Variants in KDM5C observed in about 807,000 individuals in gnomAD.
The protein encoded by KDM5C is lysine-specific demethylase 5C.
Under a neutral mutation model 110.6 loss-of-function variants are expected in KDM5C, and 16 were observed. The ratio of observed to expected loss-of-function variants is 0.14; its 90% CI spans 0.10 to 0.22. The LOEUF is 0.22. KDM5C is among the 10% of genes least tolerant of loss of function. KDM5C has a pLI of 1.00. For missense variants in KDM5C, 681 were observed against 1,300.9 expected (o/e 0.52, Z 7.33); for synonymous variants, 511 against 520.4 (o/e 0.98, Z 0.24).
downstream of KDM5C, among the ~76,000 whole-genome samples, chrX:53,188,658 A>T (rs1934306272): frequency 9.0e-6 from 1 of 111,616 alleles, no homozygotes; most frequent in African/African-American, 3.3e-5. Flanking sequence ...TACAGGTGTG[A>T]GCCACTGTGC....
intron 25 of KDM5C, among the ~76,000 whole-genome samples, chrX:53,183,836 G>C (rs913855672): frequency 2.7e-5 from 3 of 111,567 alleles, no homozygotes; most frequent in Non-Finnish European, 5.7e-5. Context: ...GCCTCCCAAA[G>C]TGCTGGGATT....
intron 1 of KDM5C, among the ~76,000 whole-genome samples, chrX:53,221,976 G>A (rs1569283156): frequency 9.0e-6 from 1 of 111,686 alleles, no homozygotes; most frequent in Admixed American, 9.5e-5. Flanking sequence ...CCAGAGCCCT[G>A]GCTCCTGCTG....
chrX:53,225,128 C>T lies in KDM5C; in HGVS notation c.-239G>A, dbSNP rs971896841. The T allele has an allele frequency of 9.1e-4, 334 of 366,938 alleles. No homozygotes were observed. Among genetic ancestry groups the T allele is most frequent in the Non-Finnish European group, 1.4e-3 (313 of 216,714 alleles). 30.2% of individuals were successfully genotyped at this position (366,938 alleles called of 1,213,427 possible). A position where few individuals can be genotyped will look rare whatever the true frequency, so the allele number is the denominator to read the frequency against. On this transcript the variant is annotated 5_prime_UTR_variant, in exon 1 of 26. Coordinates refer to ENST00000375401, the MANE Select transcript of KDM5C (RefSeq NM_004187.5). ...TCTTCCAAACTGTGTGGTTGCCTCC[C>T]CACTACCGCAGCCTTCGCCACCACA...
chrX:53,223,281 C>G lies in KDM5C; in HGVS notation c.150+1459G>C, dbSNP rs1323843549. Among the ~76,000 whole-genome samples, 4 of 111,663 alleles carry G rather than the reference C, an allele frequency of 3.6e-5. No homozygotes were observed. In the Admixed American group the frequency reaches 3.8e-4, roughly 11 times the overall value. On this transcript the variant is annotated intron_variant, in intron 1 of 25. Transcript: ENST00000375401. ...CAGGGAGTGCCTCCTTGAGGCTGCC[C>G]AGGACTCCTGCCTCTCCCTTCCACT...
rs1569271326 is a variant in KDM5C, at chrX:53,207,986, A to AAAAAG, written c.1746+2423_1746+2427dup. ...TCTGTCTCAAAAAAAAAAAAAAAAA[A>AAAAAG]AAAAGAAAAGAAAATAATACTTACA... On this transcript the variant is annotated intron_variant, in intron 12 of 25. Transcript: ENST00000375401. Among the ~76,000 whole-genome samples the AAAAAG allele has an allele frequency of 2.9e-4, 31 of 108,088 alleles. 1 individual carries two copies. The highest frequency in any genetic ancestry group is 4.6e-4 in the Non-Finnish European group (24 of 52,023). 93.9% of individuals were successfully genotyped at this position (108,088 alleles called of 115,157 possible). A position where few individuals can be genotyped will look rare whatever the true frequency, so the allele number is the denominator to read the frequency against.
intron 12 of KDM5C, among the ~76,000 whole-genome samples, chrX:53,203,290 T>C (rs1469100375): frequency 9.0e-6 from 1 of 111,642 alleles, no homozygotes; most frequent in African/African-American, 3.3e-5. Context: ...GTCTCAGTGT[T>C]TGACATGGAA....
chrX:53,216,221 T>C (rs1182997150), intron 5 of KDM5C, 24 bp from the exon 6 acceptor site: 1 of 1,209,394 alleles, frequency 8.3e-7, no homozygotes, highest in Non-Finnish European at 1.1e-6. Context: ...AGGAAATGAA[T>C]CAAGACTGCT....
At chrX:53,211,706 A>T (rs1556848967) in intron 9 of KDM5C, 51 bp from the exon 10 acceptor site, 1 of 1,205,769 alleles carries the variant, frequency 8.3e-7, no homozygotes, top group African/African-American at 1.7e-5. Context: ...CCCTGGACCC[A>T]CTGATCCAGG....
chrX:53,210,870 G>A lies in KDM5C; in HGVS notation c.1402-13C>T. The A allele has an allele frequency of 8.3e-7, 1 of 1,202,127 alleles. No individual in the cohort carries two copies. Among genetic ancestry groups the A allele is most frequent in the South Asian group, 1.8e-5 (1 of 56,738 alleles). On this transcript the variant is annotated splice_polypyrimidine_tract_variant and intron_variant, in intron 10 of 25. Coordinates refer to ENST00000375401, the MANE Select transcript of KDM5C (RefSeq NM_004187.5). ...TGGTAGCATACTCCTGCCAGGTCAG[G>A]TATTTGTAAAAAGGGCATGAGGGTT...
intron 12 of KDM5C, among the ~76,000 whole-genome samples, chrX:53,203,071 G>C (rs1195645567): frequency 9.0e-6 from 1 of 111,368 alleles, no homozygotes; most frequent in Non-Finnish European, 1.9e-5. Flanking sequence ...CTCCCAAAGT[G>C]CTGGGATTAC....
chrX:53,215,527 G>A (rs1226647285), intron 7 of KDM5C, among the ~76,000 whole-genome samples: 2 of 111,850 alleles, frequency 1.8e-5, no homozygotes, highest in African/African-American at 6.5e-5. Context: ...TGGTAATGAG[G>A]AGCTTAGCCT....
chrX:53,195,898 G>A lies in KDM5C; in HGVS notation c.3120+18C>T, dbSNP rs2146831792. 8.3e-7 allele frequency: 1 copy of A among 1,202,371 alleles called. No individual in the cohort carries two copies. Among genetic ancestry groups the A allele is most frequent in the South Asian group, 1.8e-5 (1 of 55,593 alleles). Reference sequence around the variant, plus strand: ...CAGCTGGACTGAAGGCCTGGGGTGGGAGTGGCAGGGTCCTCACTTGGATCT... The same window carrying A: ...CAGCTGGACTGAAGGCCTGGGGTGGAAGTGGCAGGGTCCTCACTTGGATCT... On this transcript the variant is annotated intron_variant, in intron 20 of 25. Coordinates refer to ENST00000375401, the MANE Select transcript of KDM5C (RefSeq NM_004187.5).
chrX:53,195,854 T>C lies in KDM5C; in HGVS notation c.3120+62A>G, dbSNP rs1484979316. 4.4e-6 allele frequency: 5 copies of C among 1,131,431 alleles called. No individual in the cohort carries two copies. The East Asian group carries it at 1.6e-4, about 35-fold the overall frequency. The allele number at this position is 1,131,431 out of a possible 1,213,427, so 93.2% of individuals were successfully genotyped here. A position where few individuals can be genotyped will look rare whatever the true frequency, so the allele number is the denominator to read the frequency against. On this transcript the variant is annotated intron_variant, in intron 20 of 25. Coordinates refer to ENST00000375401, the MANE Select transcript of KDM5C (RefSeq NM_004187.5). ...ATCCCAGCAACCCAGCACATCCCAGTGTATATGCCATCTCTTCCCAGCTGG... is the reference window on the plus strand; with the variant it reads ...ATCCCAGCAACCCAGCACATCCCAGCGTATATGCCATCTCTTCCCAGCTGG...
intron 14 of KDM5C, 112 bp downstream of exon 14, chrX:53,201,438 T>C: frequency 1.4e-6 from 1 of 715,982 alleles, no homozygotes; most frequent in Middle Eastern, 3.0e-4. Context: ...TCGAGATGCA[T>C]CTAGTTCTTT....
downstream of KDM5C, among the ~76,000 whole-genome samples, chrX:53,187,331 A>G (rs1934248405): frequency 8.9e-6 from 1 of 112,145 alleles, no homozygotes; most frequent in South Asian, 3.8e-4. Context: ...GAAACAGTTC[A>G]GCTGCAAACA....
intron 2 of KDM5C, among the ~76,000 whole-genome samples, chrX:53,219,981 C>T (rs1316190869): frequency 8.9e-6 from 1 of 112,042 alleles, no homozygotes; most frequent in East Asian, 2.8e-4. Flanking sequence ...AATCCTCCCA[C>T]CTTAGCTTCC....
downstream of KDM5C, among the ~76,000 whole-genome samples, chrX:53,189,453 G>A (rs782000034): frequency 6.8e-4 from 77 of 112,624 alleles, no homozygotes; most frequent in Non-Finnish European, 1.3e-3. Flanking sequence ...GAGCACCCAG[G>A]TGGAGGTTCA....
intron 17 of KDM5C, among the ~76,000 whole-genome samples, chrX:53,198,219 C>A (rs1460077360): frequency 9.0e-6 from 1 of 111,609 alleles, no homozygotes; most frequent in Non-Finnish European, 1.9e-5. Context: ...CACAAAACCC[C>A]TCAGCCTCTC....
intron 8 of KDM5C, chrX:53,212,303 ATTCT>A: frequency 6.6e-6 from 1 of 150,785 alleles, no homozygotes; most frequent in East Asian, 1.9e-4. Context: ...CTAAAATGTG[ATTCT>A]TTTTTTTTTT....
Sources: allele counts gnomAD v4.1 joint callset (sites outside exome capture counted in the v4.1 genomes callset), GRCh38; gene constraint gnomAD v4.1.1; transcripts MANE v1.5; gene names NCBI Gene and HGNC (gene_info 2026-07-23, HGNC 2026-07-21).